PRRT1B: variants seen among roughly 807,000 people sequenced by gnomAD.
PRRT1B encodes the protein dispanin subfamily D member 2.
exon 2 of PRRT1B, chr9:131,555,023 C>T (rs942103001): frequency 2.6e-6 from 1 of 392,110 alleles, no homozygotes; most frequent in Admixed American, 4.5e-5. Context: ...CCTTCCCCTT[C>T]CCCGTGGTGA....
At position 131,556,230 on chromosome 9, in the gene PRRT1B, C is replaced by G. The variant is rs1951048779; in HGVS notation, c.642+17C>G. ...TCCCACGAGGTAGGTGCGGGGGCGG[C>G]CCTGGGCACAGCCTCTCCTAGCACG... is the stretch of plus-strand genomic sequence containing the variant. On this transcript the variant is annotated intron_variant, in intron 3 of 3. Coordinates refer to ENST00000636672, the Ensembl canonical transcript of PRRT1B. 2 of 400,814 alleles carry G rather than the reference C, an allele frequency of 5.0e-6. No homozygotes were observed. Among genetic ancestry groups the G allele is most frequent in the South Asian group, 2.5e-4 (2 of 7,956 alleles). The allele number at this position is 400,814 out of a possible 1,614,324, so 24.8% of individuals were successfully genotyped here.
At position 131,551,271 on chromosome 9, in the gene PRRT1B, C is replaced by T. The variant is rs926261477; in HGVS notation, c.26-3286C>T. On this transcript the variant is annotated intron_variant, in intron 1 of 3. Coordinates refer to ENST00000636672, the Ensembl canonical transcript of PRRT1B. The surrounding 1 kb of genome is among the most constrained non-coding windows in gnomAD (Gnocchi z 4.4). The stretch of plus-strand genomic sequence containing the variant: ...TTTAGTTTTTCAATTCATACAAAAC[C>T]GCATCCAGGCCATCACCAATCATTC... Among the ~76,000 whole-genome samples the T allele has an allele frequency of 4.6e-5, 7 of 152,074 alleles. No individual in the cohort carries two copies. The South Asian group carries it at 6.2e-4, about 14-fold the overall frequency.
At chr9:131,552,196 G>C (rs1464294051) in intron 1 of PRRT1B, among the ~76,000 whole-genome samples, 1 of 152,212 alleles carries the variant, frequency 6.6e-6, no homozygotes, top group Non-Finnish European at 1.5e-5. Flanking sequence ...CCCCCTTTTA[G>C]AGAGGACAAG....
At chr9:131,555,544 T>C (rs1951043527) in intron 2 of PRRT1B, among the ~76,000 whole-genome samples, 1 of 151,962 alleles carries the variant, frequency 6.6e-6, no homozygotes. Flanking sequence ...GGCATGGTAG[T>C]GCGCGCCTGT....
In PRRT1B at chr9:131,556,065, C is replaced by T. The variant is rs999831786; in HGVS notation, c.499-5C>T. 5.0e-6 allele frequency: 2 copies of T among 400,934 alleles called. No homozygotes were observed. Among genetic ancestry groups the T allele is most frequent in the Non-Finnish European group, 8.8e-6 (2 of 226,486 alleles). 24.8% of individuals were successfully genotyped at this position (400,934 alleles called of 1,614,324 possible). A position where few individuals can be genotyped will look rare whatever the true frequency, so the allele number is the denominator to read the frequency against. On this transcript the variant is annotated splice_region_variant and splice_polypyrimidine_tract_variant and intron_variant, in intron 2 of 3. Coordinates refer to ENST00000636672, the Ensembl canonical transcript of PRRT1B. ...TCCCTCACCACTGTGGCTCTGCCCC[C>T]ACAGTACAATGGCCCGATGGCTGGC...
chr9:131,553,527 G>A (rs182737174), intron 1 of PRRT1B, among the ~76,000 whole-genome samples: 11 of 152,180 alleles, frequency 7.2e-5, no homozygotes, highest in African/African-American at 2.7e-4. Context: ...GGCAGGACAC[G>A]CCCAGGGGCT....
chr9:131,545,660 T>A lies in PRRT1B; in HGVS notation c.25+20T>A. ...GGGCAGGTGCCGGAGGGGCAGGTGC[T>A]GGTGGGACAGGTACTGGCGGGGCAG... On this transcript the variant is annotated intron_variant, in intron 1 of 3. Transcript: ENST00000636672. 1 of 393,704 alleles carries A rather than the reference T, an allele frequency of 2.5e-6. No individual in the cohort carries two copies. Among genetic ancestry groups the A allele is most frequent in the Non-Finnish European group, 4.4e-6 (1 of 227,798 alleles). The allele number at this position is 393,704 out of a possible 1,614,324, so 24.4% of individuals were successfully genotyped here.
intron 1 of PRRT1B, among the ~76,000 whole-genome samples, chr9:131,547,034 G>A (rs1033019135): frequency 6.8e-6 from 1 of 147,192 alleles, no homozygotes; most frequent in Admixed American, 6.8e-5. Context: ...CGAAGCAAAA[G>A]CTCTCAGAGC....
intron 2 of PRRT1B, among the ~76,000 whole-genome samples, chr9:131,555,457 C>T (rs1385758826): frequency 1.3e-5 from 2 of 152,104 alleles, no homozygotes; most frequent in Non-Finnish European, 2.9e-5. Flanking sequence ...AGGCAGATGG[C>T]TTGGGCTTAG....
In PRRT1B at chr9:131,551,597, C is replaced by G. The variant is rs181793840; in HGVS notation, c.26-2960C>G. On this transcript the variant is annotated intron_variant, in intron 1 of 3. Coordinates refer to ENST00000636672, the Ensembl canonical transcript of PRRT1B. This position sits in a 1 kb window ranked among gnomAD's most constrained non-coding sequence, Gnocchi z 4.4. ...ACCTGCATGTACACATCCAGGTGGC[C>G]GGTTCCTGCCTTAACTGATGACATT... Among the ~76,000 whole-genome samples, 232 of 152,146 alleles carry G rather than the reference C, an allele frequency of 1.5e-3. No homozygotes were observed. The highest frequency in any genetic ancestry group is 5.2e-3 in the African/African-American group (214 of 41,472).
chr9:131,554,505 T>G, intron 1 of PRRT1B, 52 bp from the exon 2 acceptor site: 1 of 377,966 alleles, frequency 2.6e-6, no homozygotes, highest in Non-Finnish European at 4.7e-6. Context: ...ACCAGCGACG[T>G]CCCACCTAGC....
At position 131,548,382 on chromosome 9, in the gene PRRT1B, C is replaced by T. The variant is rs893757392; in HGVS notation, c.25+2742C>T. Among the ~76,000 whole-genome samples the T allele has an allele frequency of 2.6e-5, 4 of 152,196 alleles. 1 individual carries two copies. In the South Asian group the frequency reaches 8.3e-4, roughly 31 times the overall value. On this transcript the variant is annotated intron_variant, in intron 1 of 3. Transcript: ENST00000636672. Reference sequence around the variant, plus strand: ...AAGAACTTAAAACCTCTTTAACTCTCGCCTGACCTAAAATCTAAGTGTCTT... The same window carrying T: ...AAGAACTTAAAACCTCTTTAACTCTTGCCTGACCTAAAATCTAAGTGTCTT...
At chr9:131,555,334 G>C (rs1303754759) in intron 2 of PRRT1B, among the ~76,000 whole-genome samples, 1 of 152,168 alleles carries the variant, frequency 6.6e-6, no homozygotes, top group Non-Finnish European at 1.5e-5. Flanking sequence ...CCCGTGGGGA[G>C]GGACCCCAGA....
intron 1 of PRRT1B, among the ~76,000 whole-genome samples, chr9:131,546,541 TG>T (rs1286832890): frequency 1.3e-5 from 2 of 148,918 alleles, no homozygotes; most frequent in Non-Finnish European, 3.0e-5. Context: ...CCAGCGCGAC[TG>T]ATCTTGAGAG....
chr9:131,559,292 A>G (rs1447703291), downstream of PRRT1B, among the ~76,000 whole-genome samples: 5 of 152,132 alleles, frequency 3.3e-5, no homozygotes, highest in African/African-American at 4.8e-5. Context: ...AAAATACAAA[A>G]ATTAGCCGAG....
intron 3 of PRRT1B, among the ~76,000 whole-genome samples, chr9:131,557,368 G>A (rs750507891): frequency 7.2e-5 from 11 of 152,062 alleles, no homozygotes; most frequent in East Asian, 1.9e-4. Flanking sequence ...GTGAAACCCC[G>A]TCTCTACTAA....
At position 131,552,504 on chromosome 9, in the gene PRRT1B, T is replaced by C. The variant is rs374407067; in HGVS notation, c.26-2053T>C. Among the ~76,000 whole-genome samples the C allele has an allele frequency of 6.4e-4, 97 of 152,218 alleles. 1 individual carries two copies. Among genetic ancestry groups the C allele is most frequent in the African/African-American group, 1.6e-3 (67 of 41,538 alleles). ...TCCTGTTACAATTCCCTGGAGAAGG[T>C]GGGTTTGTTTGGTTTCAGGAGGCAG... On this transcript the variant is annotated intron_variant, in intron 1 of 3. Transcript: ENST00000636672.
chr9:131,545,841 G>T (rs1324798714), intron 1 of PRRT1B, among the ~76,000 whole-genome samples: 2 of 152,000 alleles, frequency 1.3e-5, no homozygotes, highest in Admixed American at 1.3e-4. Flanking sequence ...GTGCTGGTGG[G>T]GCGGGTGCTG....
At chr9:131,545,757 G>A in intron 1 of PRRT1B, 117 bp downstream of exon 1, 1 of 404,686 alleles carries the variant, frequency 2.5e-6, no homozygotes, top group East Asian at 3.5e-5. Flanking sequence ...TGCTGGCGGG[G>A]CAGGTGCTGG....
Sources: allele counts gnomAD v4.1 joint callset (sites outside exome capture counted in the v4.1 genomes callset), GRCh38; gene constraint gnomAD v4.1.1; non-coding constraint Gnocchi (gnomAD v3.1); transcripts MANE v1.5; gene names NCBI Gene and HGNC (gene_info 2026-07-23, HGNC 2026-07-21).